The following HMGXB3 variants were observed in gnomAD, a reference collection of about 807,000 sequenced individuals.
HMGXB3 encodes HMG-box containing 3.
A neutral mutation model predicts 121.5 loss-of-function variants in HMGXB3; 45 were observed. The observed-to-expected ratio is 0.37, with a 90% CI of 0.29 to 0.47. HMGXB3 has a LOEUF of 0.47. Ranked by LOEUF, HMGXB3 falls within the 20% of genes least tolerant of loss-of-function variation. HMGXB3 has a pLI of 0.99. For missense variants in HMGXB3, 1,376 were observed against 1,602.2 expected (o/e 0.86, Z 2.41); for synonymous variants, 590 against 624.1 (o/e 0.95, Z 0.81).
Position 150,040,862 on chromosome 5 carries a change from C to T in HMGXB3, c.2528C>T (p.Ser843Leu), listed in dbSNP as rs1484721688. ...PRVSINVVLK[S>L]VQEQTEKTLT... ...GTGTCCATCAATGTTGTTCTGAAGT[C>T]GGTGCAGGAGCAGACAGGTAAAAGT... is the stretch of plus-strand genomic sequence containing the variant. The change falls in exon 14 of 20, where the codon TCG becomes TTG. Residue 843 changes from serine (S) to leucine (L), a missense_variant. By Grantham distance (145) the Ser-to-Leu change is moderately radical. Around this residue, in one of 2 missense-constraint regions of HMGXB3, gnomAD observed 1,116 missense variants for 1,369.0 expected, o/e 0.82. Coordinates refer to ENST00000502717, the MANE Select transcript of HMGXB3 (RefSeq NM_014983.3). 6.5e-6 allele frequency: 10 copies of T among 1,549,954 alleles called. No homozygotes were observed. The East Asian group carries it at 7.4e-5, about 11-fold the overall frequency.
Position 150,036,931 on chromosome 5 carries a change from G to C in HMGXB3, c.2279G>C (p.Gly760Ala). 6.5e-7 allele frequency: 1 copy of C among 1,549,904 alleles called. No homozygotes were observed. Among genetic ancestry groups the C allele is most frequent in the South Asian group, 1.2e-5 (1 of 83,644 alleles). The change falls in exon 12 of 20, where the codon GGA (glycine) becomes GCA (alanine). Residue 760 changes from glycine (G) to alanine (A), a missense_variant. Transcript: ENST00000502717. Reference sequence around the variant, plus strand: ...TGTAGCAGCCCATTATTCAAAGGGGGACAAAAGTAAGCACCCCTTAACTCT... The same window carrying C: ...TGTAGCAGCCCATTATTCAAAGGGGCACAAAAGTAAGCACCCCTTAACTCT... ...LLCSSPLFKG[G>A]QNSLAGPQEC...
At chr5:150,006,697 G>A (rs1487185994) in intron 3 of HMGXB3, 50 bp downstream of exon 3, 1 of 1,483,478 alleles carries the variant, frequency 6.7e-7, no homozygotes, top group East Asian at 2.5e-5. Flanking sequence ...CAGTGATGAA[G>A]GCCTTGGGAA....
intron 2 of HMGXB3, among the ~76,000 whole-genome samples, chr5:150,005,514 A>G (rs1289313012): frequency 6.7e-6 from 1 of 150,370 alleles, no homozygotes; most frequent in Non-Finnish European, 1.5e-5. Context: ...CAAGAGAATC[A>G]CTTGAATCTG....
At position 150,023,395 on chromosome 5, in the gene HMGXB3, T is replaced by C. The variant is rs143780344; in HGVS notation, c.1042-867T>C. The stretch of plus-strand genomic sequence containing the variant: ...GAGGATTCAATTGAAGCTTGCCTTA[T>C]ACCACATAACTAATTAGGAGTGGAG... On this transcript the variant is annotated intron_variant, in intron 6 of 19. Transcript: ENST00000502717. 2.1e-4 allele frequency among the ~76,000 whole-genome samples: 32 copies of C among 152,320 alleles called. No individual in the cohort carries two copies. The East Asian group carries it at 5.2e-3, about 25-fold the overall frequency.
At chr5:150,004,466 C>G (rs1409107031) in intron 1 of HMGXB3, among the ~76,000 whole-genome samples, 1 of 151,976 alleles carries the variant, frequency 6.6e-6, no homozygotes, top group African/African-American at 2.4e-5. Context: ...TTTTTTTAAC[C>G]TGTTTCCATA....
intron 1 of HMGXB3, among the ~76,000 whole-genome samples, chr5:150,001,748 TAAAAC>T (rs1478105944): frequency 9.2e-5 from 14 of 152,302 alleles, no homozygotes; most frequent in South Asian, 6.2e-4. Flanking sequence ...AACAGGGTAA[TAAAAC>T]AAACAAAACC....
intron 5 of HMGXB3, among the ~76,000 whole-genome samples, chr5:150,016,441 T>C (rs78387707): frequency 0.03 from 4,607 of 152,230 alleles, 221 homozygotes; most frequent in African/African-American, 0.1. Flanking sequence ...ATTTTGACTC[T>C]CTTGCGAAGT....
intron 14 of HMGXB3, 85 bp from the exon 15 acceptor site, chr5:150,041,700 G>A: frequency 1.1e-6 from 1 of 943,672 alleles, no homozygotes; most frequent in South Asian, 1.6e-5. Context: ...TGGCAGAATT[G>A]CTCTACTTAC....
chr5:150,042,670 G>A (rs1756665613), intron 15 of HMGXB3, among the ~76,000 whole-genome samples: 1 of 152,136 alleles, frequency 6.6e-6, no homozygotes, highest in African/African-American at 2.4e-5. Flanking sequence ...GCTATGTAGG[G>A]TAACATGGGC....
intron 6 of HMGXB3, chr5:150,021,978 T>G: frequency 2.4e-6 from 1 of 423,974 alleles, no homozygotes; most frequent in Non-Finnish European, 4.7e-6. Flanking sequence ...CAGCGGTGAG[T>G]CAGGAGCAGG....
intron 18 of HMGXB3, 48 bp downstream of exon 18, chr5:150,048,733 A>G (rs1044686410): frequency 2.3e-6 from 3 of 1,310,342 alleles, no homozygotes; most frequent in Non-Finnish European, 3.2e-6. Context: ...CTAATGTTGA[A>G]CTTCCCATAC....
At chr5:150,021,546 C>A in intron 6 of HMGXB3, 1 of 355,542 alleles carries the variant, frequency 2.8e-6, no homozygotes, top group South Asian at 2.9e-5. Flanking sequence ...AACTGGTAAT[C>A]AATGTATTAA....
chr5:150,026,635 T>C, intron 7 of HMGXB3, 71 bp from the exon 8 acceptor site: 1 of 1,317,326 alleles, frequency 7.6e-7, no homozygotes, highest in Non-Finnish European at 1.1e-6. Flanking sequence ...GAAAGCACTA[T>C]GTAGAGATTG....
chr5:150,048,474 TTGCTTTGGG>T (rs1756813073), intron 17 of HMGXB3, 86 bp from the exon 18 acceptor site: 1 of 859,610 alleles, frequency 1.2e-6, no homozygotes, highest in African/African-American at 1.7e-5. Flanking sequence ...GTTTATTCTT[TTGCTTTGGG>T]TGTTGGGTGA....
At chr5:150,051,093 A>ATG (rs1756877282) in intron 19 of HMGXB3, among the ~76,000 whole-genome samples, 1 of 152,228 alleles carries the variant, frequency 6.6e-6, no homozygotes, top group African/African-American at 2.4e-5. Context: ...TTAAAAGGGG[A>ATG]AGCTAAGGCC....
chr5:150,032,435 A>G lies in HMGXB3; in HGVS notation c.1834-19A>G, dbSNP rs1409122096. ...TAACTTAATTTTTGTAGAATTGAAC[A>G]CTGGTCTTACTTTTTTAGGATTTGG... On this transcript the variant is annotated intron_variant, in intron 10 of 19. Transcript: ENST00000502717. 6 of 1,549,554 alleles carry G rather than the reference A, an allele frequency of 3.9e-6. No homozygotes were observed. Among genetic ancestry groups the G allele is most frequent in the Non-Finnish European group, 3.5e-6 (4 of 1,145,518 alleles).
chr5:150,040,997 GA>G (rs1327223232), intron 14 of HMGXB3, 118 bp downstream of exon 14: 6 of 968,762 alleles, frequency 6.2e-6, no homozygotes, highest in Non-Finnish European at 8.8e-6. Context: ...TTGAAAAGGA[GA>G]CATTCTTGAC....
At chr5:150,034,914 G>T (rs1394704552) in intron 11 of HMGXB3, among the ~76,000 whole-genome samples, 1 of 152,194 alleles carries the variant, frequency 6.6e-6, no homozygotes. Context: ...TCTCGGGGCA[G>T]CTCATTCTAG....
chr5:150,021,550 G>A (rs1009097149), intron 6 of HMGXB3: 9 of 373,318 alleles, frequency 2.4e-5, no homozygotes, highest in Non-Finnish European at 3.7e-5. Context: ...GGTAATCAAT[G>A]TATTAAAATA....
Sources: gnomAD v4.1 joint callset for allele counts (sites outside exome capture counted in the v4.1 genomes callset) on GRCh38, gnomAD v4.1.1 for gene constraint, gnomAD v4.1.1 regional missense constraint, MANE v1.5 for transcripts, NCBI Gene and HGNC (gene_info 2026-07-23, HGNC 2026-07-21) for gene names.